NEDD4L: variants seen among roughly 807,000 people sequenced by gnomAD.
NEDD4L encodes the protein NEDD4 like E3 ubiquitin protein ligase, also known as E3 ubiquitin-protein ligase NEDD4-like.
Under a neutral mutation model 148.9 loss-of-function variants are expected in NEDD4L, and 54 were observed. That is an observed-to-expected ratio of 0.36 (90% CI 0.29 to 0.45). The LOEUF (loss-of-function observed/expected upper bound fraction) is 0.45. Ranked by LOEUF, NEDD4L falls within the 20% of genes least tolerant of loss-of-function variation. NEDD4L has a pLI of 1.00. For synonymous variants in NEDD4L, 433 were observed against 440.7 expected (o/e 0.98, Z 0.22); for missense variants, 856 against 1,233.8 (o/e 0.69, Z 4.59).
At chr18:58,107,653 A>G (rs1431012690) in intron 1 of NEDD4L, among the ~76,000 whole-genome samples, 1 of 152,048 alleles carries the variant, frequency 6.6e-6, no homozygotes, top group African/African-American at 2.4e-5. Context: ...TGGGAAGTCA[A>G]GTCTGCAGTG....
chr18:58,203,036 T>G (rs2041590554), intron 2 of NEDD4L, among the ~76,000 whole-genome samples: 2 of 152,164 alleles, frequency 1.3e-5, no homozygotes, highest in Non-Finnish European at 2.9e-5. Context: ...GACACACTTG[T>G]AGCTCACTGC....
chr18:58,140,451 A>G (rs2033371533), intron 1 of NEDD4L, among the ~76,000 whole-genome samples: 1 of 152,130 alleles, frequency 6.6e-6, no homozygotes, highest in Non-Finnish European at 1.5e-5. Context: ...CTTCCTTCAT[A>G]GTAATCAGTG....
At chr18:58,209,786 G>A (rs1209793602) in intron 2 of NEDD4L, among the ~76,000 whole-genome samples, 1 of 152,036 alleles carries the variant, frequency 6.6e-6, no homozygotes, top group Non-Finnish European at 1.5e-5. Context: ...AAATCCAATA[G>A]CTGGTTATTT....
chr18:58,086,492 AT>A (rs1290764611), intron 1 of NEDD4L, among the ~76,000 whole-genome samples: 2 of 152,172 alleles, frequency 1.3e-5, no homozygotes, highest in Non-Finnish European at 2.9e-5. Flanking sequence ...ATTTGAATGT[AT>A]TACTCATGTA....
intron 2 of NEDD4L, among the ~76,000 whole-genome samples, chr18:58,166,401 T>C (rs2036848073): frequency 6.6e-6 from 1 of 152,244 alleles, no homozygotes; most frequent in South Asian, 2.1e-4. Flanking sequence ...GATATTCCTG[T>C]ATCTTTAAAT....
intron 2 of NEDD4L, among the ~76,000 whole-genome samples, chr18:58,238,973 AT>A (rs1201641174): frequency 1.3e-5 from 2 of 152,184 alleles, no homozygotes; most frequent in African/African-American, 4.8e-5. Flanking sequence ...TTGTTTATAA[AT>A]GTTTTATAAG....
intron 11 of NEDD4L, among the ~76,000 whole-genome samples, chr18:58,331,703 G>A (rs1244095689): frequency 6.6e-6 from 1 of 152,088 alleles, no homozygotes; most frequent in Non-Finnish European, 1.5e-5. Context: ...ACTTAAAAAT[G>A]TACAATAGTA....
intron 2 of NEDD4L, among the ~76,000 whole-genome samples, chr18:58,238,351 T>C (rs2046263112): frequency 6.6e-6 from 1 of 152,206 alleles, no homozygotes; most frequent in Non-Finnish European, 1.5e-5. Flanking sequence ...GGCCATGAAA[T>C]TACAGGGTTC....
At chr18:58,166,293 G>A (rs553736427) in intron 2 of NEDD4L, among the ~76,000 whole-genome samples, 5 of 152,374 alleles carry the variant, frequency 3.3e-5, no homozygotes, top group Admixed American at 6.5e-5. Context: ...GATTTGGGGC[G>A]AATGTGGTGA....
chr18:58,059,071 A>T (rs1489484128), intron 1 of NEDD4L, among the ~76,000 whole-genome samples: 1 of 152,172 alleles, frequency 6.6e-6, no homozygotes, highest in African/African-American at 2.4e-5. Flanking sequence ...TGCAATATAG[A>T]TTACTCCTCC....
intron 1 of NEDD4L, among the ~76,000 whole-genome samples, chr18:58,164,252 G>A (rs1204770096): frequency 2.0e-5 from 3 of 152,062 alleles, no homozygotes; most frequent in Non-Finnish European, 4.4e-5. Context: ...GAAGCCTTTT[G>A]CTGCCATTAG....
intron 25 of NEDD4L, among the ~76,000 whole-genome samples, chr18:58,384,695 CTGGT>C (rs1003831570): frequency 2.2e-4 from 33 of 152,194 alleles, no homozygotes; most frequent in Non-Finnish European, 5.9e-5. Flanking sequence ...CTCTGCTCCC[CTGGT>C]GCCAGAAGAA....
chr18:58,319,863 G>T (rs2058622393), intron 6 of NEDD4L, among the ~76,000 whole-genome samples: 1 of 152,186 alleles, frequency 6.6e-6, no homozygotes, highest in Non-Finnish European at 1.5e-5. Flanking sequence ...TTTGTTGAGT[G>T]TGCCAGGTGC....
intron 1 of NEDD4L, among the ~76,000 whole-genome samples, chr18:58,090,526 TGGAATGCA>T: frequency 6.6e-6 from 1 of 152,238 alleles, no homozygotes; most frequent in Non-Finnish European, 1.5e-5. Context: ...TTGCCCAGGC[TGGAATGCA>T]GCGGTGCGAT....
chr18:58,311,140 G>C (rs2057652200), intron 5 of NEDD4L, among the ~76,000 whole-genome samples: 1 of 152,082 alleles, frequency 6.6e-6, no homozygotes, highest in Non-Finnish European at 1.5e-5. Context: ...CACACAAAAA[G>C]AAATTAACCT....
intron 19 of NEDD4L, among the ~76,000 whole-genome samples, chr18:58,360,292 T>C (rs1249207608): frequency 6.6e-6 from 1 of 152,250 alleles, no homozygotes; most frequent in Non-Finnish European, 1.5e-5. Flanking sequence ...ACTGCATTTT[T>C]CCGATTCTCT....
intron 1 of NEDD4L, among the ~76,000 whole-genome samples, chr18:58,108,175 G>C (rs2085191666): frequency 3.9e-5 from 6 of 152,200 alleles, no homozygotes; most frequent in Admixed American, 3.9e-4. Context: ...TGAGAAATTA[G>C]TTTGTTATTT....
intron 1 of NEDD4L, among the ~76,000 whole-genome samples, chr18:58,066,823 CAT>C (rs1227413299): frequency 1.3e-5 from 2 of 152,008 alleles, no homozygotes; most frequent in African/African-American, 4.8e-5. Context: ...TGGGGTGCCA[CAT>C]ATTTTTAAAT....
chr18:58,381,229 A>G (rs931850675), intron 24 of NEDD4L, among the ~76,000 whole-genome samples: 1 of 152,224 alleles, frequency 6.6e-6, no homozygotes, highest in African/African-American at 2.4e-5. Context: ...AAAAGATTGA[A>G]CCAATTAGAC....
Sources: gnomAD v4.1 joint callset for allele counts (sites outside exome capture counted in the v4.1 genomes callset) on GRCh38, gnomAD v4.1.1 for gene constraint, MANE v1.5 for transcripts, NCBI Gene and HGNC (gene_info 2026-07-23, HGNC 2026-07-21) for gene names.